Variants in MSI2 observed in about 807,000 individuals in gnomAD.
MSI2 encodes the protein musashi RNA binding protein 2, also known as RNA-binding protein Musashi homolog 2.
MSI2 carries 17 observed loss-of-function variants against 45.6 expected under a neutral mutation model. That is an observed-to-expected ratio of 0.37 (90% confidence interval 0.26 to 0.56). MSI2 has a LOEUF of 0.56. Ranked by LOEUF, MSI2 falls within the 20% of genes least tolerant of loss-of-function variation. The probability of loss-of-function intolerance (pLI) is 0.77; values close to 1 mark genes in which losing one functional copy is unlikely to be tolerated. For missense variants in MSI2, 293 were observed against 444.2 expected, an observed-to-expected ratio of 0.66 and a Z score of 3.06; for synonymous variants, 156 against 158.2, an observed-to-expected ratio of 0.99 and a Z score of 0.11.
intron 6 of MSI2, among the ~76,000 whole-genome samples, chr17:57,478,739 A>C (rs1190657376): frequency 6.6e-6 from 1 of 152,208 alleles, no homozygotes; most frequent in Non-Finnish European, 1.5e-5. Context: ...AGTGCAAAGC[A>C]GCCTTGGTTT....
intron 7 of MSI2, among the ~76,000 whole-genome samples, chr17:57,539,073 A>G (rs1232997614): frequency 6.6e-6 from 1 of 152,254 alleles, no homozygotes; most frequent in Non-Finnish European, 1.5e-5. Context: ...TACATTAAAA[A>G]CATACATACA....
intron 8 of MSI2, among the ~76,000 whole-genome samples, chr17:57,610,192 T>G (rs1374053739): frequency 6.6e-6 from 1 of 152,014 alleles, no homozygotes. Context: ...GTGGCTCACG[T>G]CTGTAATCCC....
chr17:57,626,662 C>T (rs1460848079), intron 9 of MSI2: 2 of 154,862 alleles, frequency 1.3e-5, no homozygotes, highest in African/African-American at 2.4e-5. Context: ...TCCAGCCTCT[C>T]ACCATTCTCC....
At chr17:57,418,673 T>TA (rs1316673285) in intron 6 of MSI2, among the ~76,000 whole-genome samples, 4 of 152,238 alleles carry the variant, frequency 2.6e-5, no homozygotes, top group Non-Finnish European at 4.4e-5. Flanking sequence ...ATGCAACACT[T>TA]ATCTGGCCAC....
At chr17:57,385,758 A>G (rs1026681471) in intron 5 of MSI2, among the ~76,000 whole-genome samples, 9 of 152,210 alleles carry the variant, frequency 5.9e-5, no homozygotes, top group South Asian at 4.1e-4. Flanking sequence ...ATAGTTCATC[A>G]TATTTCCCTG....
At chr17:57,537,946 T>G (rs547251918) in intron 7 of MSI2, among the ~76,000 whole-genome samples, 155 of 152,266 alleles carry the variant, frequency 1.0e-3, no homozygotes, top group Middle Eastern at 3.4e-3. Flanking sequence ...GGTGGTGACC[T>G]AATAGGTCTT....
chr17:57,324,213 G>T (rs1030866539), intron 5 of MSI2, among the ~76,000 whole-genome samples: 6 of 152,176 alleles, frequency 3.9e-5, no homozygotes, highest in Admixed American at 1.3e-4. Flanking sequence ...AGGGGTGGCC[G>T]GGAGAGTCTC....
At chr17:57,309,538 T>C (rs780054082) in intron 5 of MSI2, among the ~76,000 whole-genome samples, 1 of 152,228 alleles carries the variant, frequency 6.6e-6, no homozygotes, top group Non-Finnish European at 1.5e-5. Flanking sequence ...GGACTTTGTA[T>C]GTGTTAAACA....
intron 5 of MSI2, among the ~76,000 whole-genome samples, chr17:57,350,773 T>A (rs1366008954): frequency 6.6e-6 from 1 of 152,204 alleles, no homozygotes; most frequent in Non-Finnish European, 1.5e-5. Context: ...CTCCTCTCTG[T>A]CAATACCATG....
At chr17:57,376,369 G>C (rs889821358) in intron 5 of MSI2, among the ~76,000 whole-genome samples, 3 of 152,182 alleles carry the variant, frequency 2.0e-5, no homozygotes, top group Non-Finnish European at 2.9e-5. Context: ...ACCCTATCCC[G>C]GTCTGGATCC....
intron 7 of MSI2, among the ~76,000 whole-genome samples, chr17:57,594,585 G>A (rs1479055468): frequency 6.6e-6 from 1 of 152,168 alleles, no homozygotes; most frequent in Non-Finnish European, 1.5e-5. Flanking sequence ...GCAATGATCA[G>A]TGGGACCAAG....
At chr17:57,482,378 A>G (rs1235308095) in intron 6 of MSI2, among the ~76,000 whole-genome samples, 2 of 152,208 alleles carry the variant, frequency 1.3e-5, no homozygotes. Context: ...CTGCCTGCCG[A>G]CAGCCATGCT....
intron 5 of MSI2, among the ~76,000 whole-genome samples, chr17:57,307,808 C>T (rs1912043628): frequency 6.6e-6 from 1 of 152,192 alleles, no homozygotes. Flanking sequence ...AATTTCTCTC[C>T]CTCTTTCTCT....
Position 57,682,081 on chromosome 17 carries a change from A to G in MSI2, c.*2564A>G, listed in dbSNP as rs1913640088. On this transcript the variant is annotated 3_prime_UTR_variant, in exon 14 of 14. Coordinates refer to ENST00000284073, the MANE Select transcript of MSI2 (RefSeq NM_138962.4). The stretch of plus-strand genomic sequence containing the variant: ...TTTCTTCTAGTACATATTGATAGGT[A>G]TAACATAATTAAGGTTTAAAAAAAA... The G allele has an allele frequency of 9.9e-6, 2 of 202,670 alleles. No individual in the cohort carries two copies. The highest frequency in any genetic ancestry group is 1.2e-4 in the Admixed American group (2 of 16,742). The allele number at this position is 202,670 out of a possible 1,614,324, so 12.6% of individuals were successfully genotyped here.
chr17:57,652,261 C>T lies in MSI2; in HGVS notation c.790+100C>T. On this transcript the variant is annotated intron_variant, in intron 11 of 13. Coordinates refer to ENST00000284073, the MANE Select transcript of MSI2 (RefSeq NM_138962.4). This position sits in a 1 kb window ranked among gnomAD's most constrained non-coding sequence, Gnocchi z 4.1. Reference sequence around the variant, plus strand: ...TCTGTGTGGCTGCATCTGTCCAACACCACTCTCACCACAGCCCCGGGGAGG... The same window carrying T: ...TCTGTGTGGCTGCATCTGTCCAACATCACTCTCACCACAGCCCCGGGGAGG... The T allele has an allele frequency of 1.7e-6, 2 of 1,200,336 alleles. No homozygotes were observed. The highest frequency in any genetic ancestry group is 2.4e-5 in the East Asian group (1 of 42,116). 74.4% of individuals were successfully genotyped at this position (1,200,336 alleles called of 1,614,324 possible).
intron 5 of MSI2, among the ~76,000 whole-genome samples, chr17:57,273,464 A>ATTT (rs752793064): frequency 5.0e-5 from 5 of 100,730 alleles, no homozygotes; most frequent in Admixed American, 1.3e-4. Context: ...GTTAAAAATG[A>ATTT]TTTTTTTTTT....
At chr17:57,509,901 T>C (rs1383510960) in intron 6 of MSI2, among the ~76,000 whole-genome samples, 6 of 152,028 alleles carry the variant, frequency 3.9e-5, no homozygotes, top group Admixed American at 3.9e-4. Context: ...TTTGGCCAAA[T>C]GGCAGTTTCT....
At chr17:57,560,384 G>A (rs534910989) in intron 7 of MSI2, among the ~76,000 whole-genome samples, 3 of 152,206 alleles carry the variant, frequency 2.0e-5, no homozygotes, top group Non-Finnish European at 2.9e-5. Flanking sequence ...GCCCTGGAGC[G>A]GGGTTGGTGG....
In MSI2 at chr17:57,256,816, G is replaced by A. The variant is rs762821055; in HGVS notation, c.62+12G>A. On this transcript the variant is annotated intron_variant, in intron 1 of 13. Transcript: ENST00000284073. Reference sequence around the variant, plus strand: ...CAGCACGACCCCGGGTAAGTTTCCAGCCGCTGCCCACCGCGCCGCCTTGGG... The same window carrying A: ...CAGCACGACCCCGGGTAAGTTTCCAACCGCTGCCCACCGCGCCGCCTTGGG... The A allele has an allele frequency of 7.6e-6, 11 of 1,456,772 alleles. No homozygotes were observed. The South Asian group carries it at 9.8e-5, about 13-fold the overall frequency. The allele number at this position is 1,456,772 out of a possible 1,614,324, so 90.2% of individuals were successfully genotyped here. A position where few individuals can be genotyped will look rare whatever the true frequency, so the allele number is the denominator to read the frequency against.
Sources: gnomAD v4.1 joint callset for allele counts (sites outside exome capture counted in the v4.1 genomes callset) on GRCh38, gnomAD v4.1.1 for gene constraint, Gnocchi (gnomAD v3.1) non-coding constraint, MANE v1.5 for transcripts, NCBI Gene and HGNC (gene_info 2026-07-23, HGNC 2026-07-21) for gene names.